KCTD16: variants seen among roughly 807,000 people sequenced by gnomAD.
KCTD16 encodes the protein BTB/POZ domain-containing protein KCTD16.
KCTD16 carries 13 observed loss-of-function variants against 33.2 expected under a neutral mutation model. That is an observed-to-expected ratio of 0.39 (90% confidence interval 0.25 to 0.62). KCTD16 has a LOEUF of 0.62. Ranked by LOEUF, KCTD16 falls within the 20% of genes least tolerant of loss-of-function variation. The pLI is 0.50. For missense variants in KCTD16, 441 were observed against 525.1 expected (o/e 0.84, Z 1.57); for synonymous variants, 197 against 195.3 (o/e 1.01, Z -0.07).
rs59284192 is a variant in KCTD16 at position 144,230,337 on chromosome 5, G to A, written c.832+22791G>A. Among the ~76,000 whole-genome samples, 43 of 152,198 alleles carry A rather than the reference G, an allele frequency of 2.8e-4. 1 individual carries two copies. The East Asian group carries it at 7.9e-3, about 28-fold the overall frequency. On this transcript the variant is annotated intron_variant, in intron 3 of 3. Coordinates refer to ENST00000512467, the MANE Select transcript of KCTD16 (RefSeq NM_020768.4). Reference sequence around the variant, plus strand: ...TTGCCCTTATTATCTTATAAAAATGGGTAGGTAATAGAAAATGAAAGTGCT... The same window carrying A: ...TTGCCCTTATTATCTTATAAAAATGAGTAGGTAATAGAAAATGAAAGTGCT...
At chr5:144,240,643 C>A (rs796308242) in intron 3 of KCTD16, among the ~76,000 whole-genome samples, 58 of 152,258 alleles carry the variant, frequency 3.8e-4, no homozygotes, top group African/African-American at 1.3e-3. Context: ...ATTTTTCCCA[C>A]ATTGCATTTA....
Position 144,193,027 on chromosome 5 carries a change from C to A in KCTD16, c.-326-13362C>A, listed in dbSNP as rs1752873608. 1.3e-5 allele frequency among the ~76,000 whole-genome samples: 2 copies of A among 152,114 alleles called. 1 individual carries two copies. The highest frequency in any genetic ancestry group is 4.2e-4 in the South Asian group (2 of 4,816). ...ACATTAACAGGTCCATATAGAAATACCACCACCTGTACCCCCAAAATCCTT... is the reference window on the plus strand; with the variant it reads ...ACATTAACAGGTCCATATAGAAATAACACCACCTGTACCCCCAAAATCCTT... On this transcript the variant is annotated intron_variant, in intron 2 of 3. Transcript: ENST00000512467.
chr5:144,478,930 T>G lies in KCTD16; in HGVS notation c.*4816T>G, dbSNP rs769667256. ...TTGTGTGTGTATGTGTATGTGTATG[T>G]GTATGGGTTTTTTCCCAAAATAAAA... On this transcript the variant is annotated 3_prime_UTR_variant, in exon 4 of 4. Transcript: ENST00000512467. 17 of 152,060 alleles carry G rather than the reference T, an allele frequency of 1.1e-4. No homozygotes were observed. Among genetic ancestry groups the G allele is most frequent in the Middle Eastern group, 3.4e-3 (1 of 294 alleles). 9.4% of individuals were successfully genotyped at this position (152,060 alleles called of 1,614,324 possible).
chr5:144,175,926 CT>C (rs1228695708), intron 2 of KCTD16, among the ~76,000 whole-genome samples: 1 of 152,158 alleles, frequency 6.6e-6, no homozygotes, highest in African/African-American at 2.4e-5. Flanking sequence ...AAGCTAACTA[CT>C]TCTAAGATCA....
At chr5:144,281,150 C>A (rs531457929) in intron 3 of KCTD16, among the ~76,000 whole-genome samples, 1 of 152,222 alleles carries the variant, frequency 6.6e-6, no homozygotes, top group Non-Finnish European at 1.5e-5. Flanking sequence ...CCACTGTACT[C>A]CAGCCTAGGC....
intron 3 of KCTD16, among the ~76,000 whole-genome samples, chr5:144,399,493 T>A (rs1431752648): frequency 1.3e-5 from 2 of 152,178 alleles, no homozygotes; most frequent in Non-Finnish European, 2.9e-5. Context: ...TTTACTTTTT[T>A]TTGGCCGCCA....
chr5:144,247,317 A>G (rs1754577429), intron 3 of KCTD16, among the ~76,000 whole-genome samples: 2 of 152,190 alleles, frequency 1.3e-5, no homozygotes, highest in African/African-American at 2.4e-5. Flanking sequence ...CTGAGCTGTC[A>G]TGTAAGAAAT....
Position 144,467,579 on chromosome 5 carries a change from C to T in KCTD16, c.833-6081C>T, listed in dbSNP as rs557141319. On this transcript the variant is annotated intron_variant, in intron 3 of 3. Coordinates refer to ENST00000512467, the MANE Select transcript of KCTD16 (RefSeq NM_020768.4). Reference sequence around the variant, plus strand: ...ACACATTATGGTGCCGTGAAAGCAACGGGCAGGAGGAGGTTGGGACTAGCC... The same window carrying T: ...ACACATTATGGTGCCGTGAAAGCAATGGGCAGGAGGAGGTTGGGACTAGCC... 1.5e-3 allele frequency among the ~76,000 whole-genome samples: 231 copies of T among 152,196 alleles called. 1 individual carries two copies. The highest frequency in any genetic ancestry group is 3.8e-4 in the Non-Finnish European group (26 of 68,016).
At chr5:144,184,120 A>T (rs911435272) in intron 2 of KCTD16, among the ~76,000 whole-genome samples, 4 of 152,230 alleles carry the variant, frequency 2.6e-5, no homozygotes, top group Non-Finnish European at 5.9e-5. Flanking sequence ...ATACCATGTA[A>T]CATAAAATTT....
chr5:144,186,225 C>A (rs1263336639), intron 2 of KCTD16, among the ~76,000 whole-genome samples: 1 of 151,918 alleles, frequency 6.6e-6, no homozygotes. Flanking sequence ...ACAGCAGAGA[C>A]TCTCATATGG....
intron 3 of KCTD16, among the ~76,000 whole-genome samples, chr5:144,212,963 A>G (rs1753444481): frequency 6.6e-6 from 1 of 152,134 alleles, no homozygotes; most frequent in Admixed American, 6.5e-5. Context: ...TTTGAAGCAA[A>G]TCCCAGACAT....
At chr5:144,191,501 C>T (rs1289854788) in intron 2 of KCTD16, among the ~76,000 whole-genome samples, 1 of 152,130 alleles carries the variant, frequency 6.6e-6, no homozygotes, top group Non-Finnish European at 1.5e-5. Context: ...CTACATAGAA[C>T]CTTTAGCTTC....
intron 3 of KCTD16, among the ~76,000 whole-genome samples, chr5:144,353,874 TA>T (rs1751505487): frequency 6.7e-6 from 1 of 148,954 alleles, no homozygotes; most frequent in Non-Finnish European, 1.5e-5. Flanking sequence ...TCTGGTGTTT[TA>T]TTTTTTTTTA....
At chr5:144,247,105 G>C (rs776472760) in intron 3 of KCTD16, among the ~76,000 whole-genome samples, 7 of 152,120 alleles carry the variant, frequency 4.6e-5, no homozygotes, top group Admixed American at 3.3e-4. Context: ...CAATGATGGT[G>C]GTTGCAATAG....
rs185582448 is a variant in KCTD16, at chr5:144,450,908, T to G, written c.833-22752T>G. ...ATGCCTATAATTACCAATATGGTAT[T>G]GTACACTTAAACATTTGTTAAGGGG... On this transcript the variant is annotated intron_variant, in intron 3 of 3. Coordinates refer to ENST00000512467, the MANE Select transcript of KCTD16 (RefSeq NM_020768.4). 1.5e-3 allele frequency among the ~76,000 whole-genome samples: 223 copies of G among 152,222 alleles called. 1 individual carries two copies. Among genetic ancestry groups the G allele is most frequent in the African/African-American group, 5.1e-3 (214 of 41,564 alleles).
At chr5:144,213,446 T>C (rs1480966777) in intron 3 of KCTD16, among the ~76,000 whole-genome samples, 1 of 152,016 alleles carries the variant, frequency 6.6e-6, no homozygotes, top group Non-Finnish European at 1.5e-5. Flanking sequence ...TCCTCTTTTT[T>C]ACAACTTACT....
chr5:144,360,570 T>C (rs1391305178), intron 3 of KCTD16, among the ~76,000 whole-genome samples: 1 of 152,122 alleles, frequency 6.6e-6, no homozygotes, highest in African/African-American at 2.4e-5. Context: ...TAGCTGGGAC[T>C]ACAGGTGCAC....
At chr5:144,263,581 A>G (rs1002564490) in intron 3 of KCTD16, among the ~76,000 whole-genome samples, 3 of 152,216 alleles carry the variant, frequency 2.0e-5, no homozygotes, top group African/African-American at 7.2e-5. Context: ...GGGATATAAA[A>G]TTCAACATTT....
intron 3 of KCTD16, among the ~76,000 whole-genome samples, chr5:144,344,965 A>C (rs1376455063): frequency 1.3e-5 from 2 of 151,494 alleles, no homozygotes; most frequent in East Asian, 3.9e-4. Flanking sequence ...CAAATGTCCA[A>C]CAATGATAGA....
Sources: allele counts gnomAD v4.1 joint callset (sites outside exome capture counted in the v4.1 genomes callset), GRCh38; gene constraint gnomAD v4.1.1; transcripts MANE v1.5; gene names NCBI Gene and HGNC (gene_info 2026-07-23, HGNC 2026-07-21).